The following MTMR7 variants were observed in gnomAD, a reference collection of about 807,000 sequenced individuals.
MTMR7 encodes myotubularin related protein 7, also known as phosphatidylinositol-3-phosphate phosphatase MTMR7.
MTMR7 carries 76 observed loss-of-function variants against 81.2 expected under a neutral mutation model. The observed-to-expected ratio is 0.94, with a 90% CI of 0.78 to 1.13. The LOEUF is 1.13. Among genes scored for constraint, MTMR7 ranks in the 50% most tolerant of loss-of-function variants. The probability of loss-of-function intolerance (pLI) is 0.00; values close to 1 mark genes in which losing one functional copy is unlikely to be tolerated. For missense variants in MTMR7, 1,044 were observed against 820.0 expected (o/e 1.27, Z -3.34); for synonymous variants, 372 against 289.8 (o/e 1.28, Z -2.88).
chr8:17,331,834 T>G (rs759459600), intron 6 of MTMR7, among the ~76,000 whole-genome samples: 3 of 152,222 alleles, frequency 2.0e-5, no homozygotes, highest in Non-Finnish European at 4.4e-5. Flanking sequence ...AGAGAGGGAA[T>G]GCAACCAAGT....
At chr8:17,354,407 A>C (rs767757636) in intron 4 of MTMR7, among the ~76,000 whole-genome samples, 1 of 152,204 alleles carries the variant, frequency 6.6e-6, no homozygotes, top group Non-Finnish European at 1.5e-5. Context: ...ATGAATACAA[A>C]TTACTTTATT....
At chr8:17,312,751 A>T (rs528036479) in intron 8 of MTMR7, among the ~76,000 whole-genome samples, 18 of 152,272 alleles carry the variant, frequency 1.2e-4, no homozygotes, top group Admixed American at 1.1e-3. Flanking sequence ...GGAACATACC[A>T]TGGCATCAGG....
At chr8:17,377,366 C>T (rs1820620880) in intron 1 of MTMR7, among the ~76,000 whole-genome samples, 1 of 151,970 alleles carries the variant, frequency 6.6e-6, no homozygotes, top group South Asian at 2.1e-4. Flanking sequence ...TCTTTTAATT[C>T]TTATCTGTGG....
chr8:17,307,138 C>T (rs1210010570), intron 10 of MTMR7, among the ~76,000 whole-genome samples: 1 of 152,102 alleles, frequency 6.6e-6, no homozygotes, highest in African/African-American at 2.4e-5. Flanking sequence ...GCAACCTACT[C>T]ATCTGACAAA....
chr8:17,355,916 C>G (rs1819876552), intron 4 of MTMR7, among the ~76,000 whole-genome samples: 1 of 152,024 alleles, frequency 6.6e-6, no homozygotes, highest in South Asian at 2.1e-4. Flanking sequence ...AAGTTAAGAC[C>G]AGTTAATAAA....
intron 3 of MTMR7, among the ~76,000 whole-genome samples, chr8:17,369,711 T>C (rs1024170720): frequency 1.4e-5 from 2 of 144,214 alleles, no homozygotes; most frequent in East Asian, 2.1e-4. Flanking sequence ...AGTGGCAAGA[T>C]CTCAGCTCTC....
intron 7 of MTMR7, among the ~76,000 whole-genome samples, chr8:17,322,060 G>T (rs1249329340): frequency 6.6e-6 from 1 of 152,112 alleles, no homozygotes; most frequent in Non-Finnish European, 1.5e-5. Context: ...GGTCTTTCTT[G>T]TACCCTGAGA....
At chr8:17,410,386 C>T (rs1043749330) in intron 1 of MTMR7, among the ~76,000 whole-genome samples, 1 of 152,050 alleles carries the variant, frequency 6.6e-6, no homozygotes. Flanking sequence ...ACACTTCAAG[C>T]TACTTCCAGG....
At chr8:17,342,886 G>A (rs918143932) in intron 5 of MTMR7, among the ~76,000 whole-genome samples, 5 of 152,056 alleles carry the variant, frequency 3.3e-5, no homozygotes. Context: ...GGGCACGGCA[G>A]ACAGAATGGC....
At chr8:17,309,168 G>A in intron 10 of MTMR7, 109 bp downstream of exon 10, 5 of 731,898 alleles carry the variant, frequency 6.8e-6, no homozygotes, top group Non-Finnish European at 9.4e-6. Context: ...TTCTGAATAA[G>A]AGACACAAAC....
At chr8:17,308,596 C>G (rs1414696702) in intron 10 of MTMR7, among the ~76,000 whole-genome samples, 2 of 152,088 alleles carry the variant, frequency 1.3e-5, no homozygotes, top group Admixed American at 1.3e-4. Flanking sequence ...AATTTTATCA[C>G]CAAAGACTAA....
intron 3 of MTMR7, among the ~76,000 whole-genome samples, chr8:17,369,646 T>TC (rs1346680023): frequency 2.3e-5 from 3 of 128,344 alleles, no homozygotes; most frequent in Admixed American, 7.4e-5. Flanking sequence ...TTTTTCTTTT[T>TC]TTTTTTTTTT....
intron 1 of MTMR7, among the ~76,000 whole-genome samples, chr8:17,397,778 T>A (rs1821306683): frequency 6.6e-6 from 1 of 152,178 alleles, no homozygotes; most frequent in South Asian, 2.1e-4. Flanking sequence ...GACCCAGTGC[T>A]GTGCTGGCTT....
chr8:17,337,234 G>A (rs1242316527), intron 6 of MTMR7, among the ~76,000 whole-genome samples: 4 of 151,808 alleles, frequency 2.6e-5, no homozygotes, highest in Admixed American at 2.0e-4. Flanking sequence ...GCGTGGTGGC[G>A]GGCACCTGTA....
chr8:17,340,688 G>A lies in MTMR7; in HGVS notation c.732+675C>T, dbSNP rs559516043. 5.3e-5 allele frequency among the ~76,000 whole-genome samples: 8 copies of A among 151,958 alleles called. No homozygotes were observed. The South Asian group carries it at 6.2e-4, about 12-fold the overall frequency. On this transcript the variant is annotated intron_variant, in intron 6 of 13. Coordinates refer to ENST00000180173, the MANE Select transcript of MTMR7 (RefSeq NM_004686.5). ...TGTCTAGATATATTATTTCCTATTC[G>A]TTTTCTTAAATTAGAAAACTAATAA...
chr8:17,377,078 TA>T (rs1336054827), intron 1 of MTMR7, among the ~76,000 whole-genome samples: 4 of 152,100 alleles, frequency 2.6e-5, no homozygotes, highest in African/African-American at 9.7e-5. Flanking sequence ...TCTATACTTT[TA>T]AGAGAGAACC....
intron 7 of MTMR7, among the ~76,000 whole-genome samples, chr8:17,329,755 T>C (rs541319913): frequency 1.3e-5 from 2 of 152,310 alleles, no homozygotes; most frequent in Non-Finnish European, 2.9e-5. Context: ...ATAAAAAACA[T>C]AGTTTGTAGC....
chr8:17,381,355 G>C (rs1820755250), intron 1 of MTMR7, among the ~76,000 whole-genome samples: 1 of 152,080 alleles, frequency 6.6e-6, no homozygotes, highest in Non-Finnish European at 1.5e-5. Context: ...CACTGCCTGG[G>C]CGTCAGGAAG....
At chr8:17,407,034 A>G (rs370933519) in intron 1 of MTMR7, among the ~76,000 whole-genome samples, 3 of 152,156 alleles carry the variant, frequency 2.0e-5, no homozygotes, top group Non-Finnish European at 4.4e-5. Context: ...AAATTAGATA[A>G]TGATGATGGT....
Sources: allele counts gnomAD v4.1 joint callset (sites outside exome capture counted in the v4.1 genomes callset), GRCh38; gene constraint gnomAD v4.1.1; transcripts MANE v1.5; gene names NCBI Gene and HGNC (gene_info 2026-07-23, HGNC 2026-07-21).